The following GPR55 variants were observed in gnomAD, a reference collection of about 807,000 sequenced individuals.
The protein encoded by GPR55 is G protein-coupled receptor 55, also known as G-protein coupled receptor 55.
GPR55 carries 6 observed loss-of-function variants against 7.9 expected under a neutral mutation model. That is an observed-to-expected ratio of 0.76 (90% confidence interval 0.41 to 1.49). GPR55 has a LOEUF of 1.49. Ranked by LOEUF, GPR55 falls within the 40% of genes most tolerant of loss-of-function variation. The pLI is 0.01. For synonymous variants in GPR55, 183 were observed against 166.8 expected (o/e 1.10, Z -0.75); for missense variants, 376 against 406.0 (o/e 0.93, Z 0.63).
chr2:230,915,460 A>T (rs963437067), intron 1 of GPR55, among the ~76,000 whole-genome samples: 7 of 152,348 alleles, frequency 4.6e-5, no homozygotes, highest in Non-Finnish European at 1.0e-4. Flanking sequence ...AGAAGGAAGT[A>T]GCATTGAGTG....
chr2:230,919,886 A>G, intron 1 of GPR55, among the ~76,000 whole-genome samples: 1 of 151,976 alleles, frequency 6.6e-6, no homozygotes, highest in Non-Finnish European at 1.5e-5. Context: ...TGTTATGTTT[A>G]TGCTGACTAT....
In GPR55 at chr2:230,910,787, G is replaced by A. The variant is rs202123050; in HGVS notation, c.176C>T (p.Thr59Ile). The A allele has an allele frequency of 6.2e-7, 1 of 1,613,942 alleles. No homozygotes were observed. Among genetic ancestry groups the A allele is most frequent in the Admixed American group, 1.7e-5 (1 of 60,034 alleles). The change falls in exon 2 of 2, where the codon ACC becomes ATC. Residue 59 changes from threonine (T) to isoleucine (I), a missense_variant. Coordinates refer to ENST00000650999, the MANE Select transcript of GPR55 (RefSeq NM_005683.4). The surrounding 1 kb of genome is among the most constrained non-coding windows in gnomAD (Gnocchi z 5.4). ...TGCCAGGTTGATCATGTAGATGGAGGTGGCAGCATAATCGGGCCACCTGTT... is the reference window on the plus strand; with the variant it reads ...TGCCAGGTTGATCATGTAGATGGAGATGGCAGCATAATCGGGCCACCTGTT... The part of the protein sequence containing the change: ...LKNRWPDYAA[T>I]SIYMINLAVF...
At chr2:230,931,958 T>C (rs764424632) in intron 1 of GPR55, among the ~76,000 whole-genome samples, 5 of 151,866 alleles carry the variant, frequency 3.3e-5, no homozygotes, top group Middle Eastern at 3.2e-3. Flanking sequence ...TCCCTGGTGG[T>C]AGGGCAGCCC....
At chr2:230,959,188 G>A (rs981738333) in intron 1 of GPR55, among the ~76,000 whole-genome samples, 1 of 152,240 alleles carries the variant, frequency 6.6e-6, no homozygotes, top group Admixed American at 6.5e-5. Context: ...GCTCACGCCT[G>A]TAATCCCAGC....
chr2:230,925,799 C>T (rs1690932463), upstream of GPR55, among the ~76,000 whole-genome samples: 1 of 152,222 alleles, frequency 6.6e-6, no homozygotes, highest in African/African-American at 2.4e-5. Flanking sequence ...TGGGGCCCCA[C>T]AGGTTCCCCA....
intron 1 of GPR55, among the ~76,000 whole-genome samples, chr2:230,946,566 G>A (rs1450586222): frequency 1.3e-5 from 2 of 152,218 alleles, no homozygotes; most frequent in African/African-American, 4.8e-5. Flanking sequence ...CAGAAGAGAT[G>A]CACCCTGTAG....
intron 1 of GPR55, among the ~76,000 whole-genome samples, chr2:230,931,065 C>G (rs73992979): frequency 2.0e-3 from 304 of 152,314 alleles, no homozygotes; most frequent in African/African-American, 6.8e-3. Context: ...CACTCACACC[C>G]TATTCTCCTG....
intron 1 of GPR55, among the ~76,000 whole-genome samples, chr2:230,937,409 A>C (rs765504574): frequency 1.5e-4 from 9 of 60,098 alleles, no homozygotes; most frequent in Non-Finnish European, 2.5e-4. Context: ...TGTCACTCTC[A>C]GAGATAAATT....
In GPR55 at chr2:230,909,980, C is replaced by G. The variant is rs879073818; in HGVS notation, c.*23G>C. Reference sequence around the variant, plus strand: ...CAGAATTCAGGGCCAGGGCTTTCTTCCCCTGAACAGGATGTCCTTCCGTTA... The same window carrying G: ...CAGAATTCAGGGCCAGGGCTTTCTTGCCCTGAACAGGATGTCCTTCCGTTA... On this transcript the variant is annotated 3_prime_UTR_variant, in exon 2 of 2. Coordinates refer to ENST00000650999, the MANE Select transcript of GPR55 (RefSeq NM_005683.4). 2 of 1,598,872 alleles carry G rather than the reference C, an allele frequency of 1.3e-6. No individual in the cohort carries two copies. Among genetic ancestry groups the G allele is most frequent in the African/African-American group, 2.7e-5 (2 of 74,440 alleles).
rs947078514 is a variant in GPR55 at position 230,924,954 on chromosome 2, A to G, written c.-135+214T>C. On this transcript the variant is annotated intron_variant, in intron 1 of 1. Coordinates refer to ENST00000650999, the MANE Select transcript of GPR55 (RefSeq NM_005683.4). This position sits in a 1 kb window ranked among gnomAD's most constrained non-coding sequence, Gnocchi z 4.5. ...TGTCACTCGTAATCGGGGACAAACC[A>G]GGTCTGCCTGCCGCTGCTGCTGTCA... 1.3e-5 allele frequency among the ~76,000 whole-genome samples: 2 copies of G among 152,088 alleles called. No individual in the cohort carries two copies. The highest frequency in any genetic ancestry group is 4.8e-5 in the African/African-American group (2 of 41,416).
chr2:230,940,477 C>T (rs1021135723), intron 1 of GPR55, among the ~76,000 whole-genome samples: 5 of 152,206 alleles, frequency 3.3e-5, no homozygotes, highest in African/African-American at 1.2e-4. Flanking sequence ...CAGGAAGGCG[C>T]TTATCAAGAC....
chr2:230,914,172 G>A (rs1191160672), intron 1 of GPR55, among the ~76,000 whole-genome samples: 1 of 152,210 alleles, frequency 6.6e-6, no homozygotes, highest in Non-Finnish European at 1.5e-5. Context: ...CTGAATTGGG[G>A]GAACAAACGA....
In GPR55 at chr2:230,923,956, T is replaced by G. The variant is rs543595289; in HGVS notation, c.-135+1212A>C. Among the ~76,000 whole-genome samples the G allele has an allele frequency of 6.6e-6, 1 of 152,114 alleles. No individual in the cohort carries two copies. Among genetic ancestry groups the G allele is most frequent in the East Asian group, 1.9e-4 (1 of 5,154 alleles). ...TTTCTCCTTGGACTCTCTCCTCCAC[T>G]GCTAAAAATCCCACCTCTTCCTTGA... is the stretch of plus-strand genomic sequence containing the variant. On this transcript the variant is annotated intron_variant, in intron 1 of 1. Coordinates refer to ENST00000650999, the MANE Select transcript of GPR55 (RefSeq NM_005683.4). This position sits in a 1 kb window ranked among gnomAD's most constrained non-coding sequence, Gnocchi z 4.1.
chr2:230,958,206 G>C (rs1468468824), intron 1 of GPR55, among the ~76,000 whole-genome samples: 1 of 152,062 alleles, frequency 6.6e-6, no homozygotes, highest in Non-Finnish European at 1.5e-5. Context: ...CACATCAGCA[G>C]GCATATAATG....
Position 230,908,320 on chromosome 2 carries a change from G to A in GPR55, c.*1683C>T, listed in dbSNP as rs1316705689. 6.6e-6 allele frequency: 1 copy of A among 152,552 alleles called. No individual in the cohort carries two copies. Among genetic ancestry groups the A allele is most frequent in the Non-Finnish European group, 1.5e-5 (1 of 68,322 alleles). 9.4% of individuals were successfully genotyped at this position (152,552 alleles called of 1,614,324 possible). On this transcript the variant is annotated 3_prime_UTR_variant, in exon 2 of 2. Transcript: ENST00000650999. The stretch of plus-strand genomic sequence containing the variant: ...CCTTCCCTCCATCCACCTAGGAGGA[G>A]GTGTACAGGGTGCCACTTGAACACA...
chr2:230,915,288 C>T (rs1690684018), intron 1 of GPR55, among the ~76,000 whole-genome samples: 2 of 152,328 alleles, frequency 1.3e-5, no homozygotes, highest in South Asian at 4.1e-4. Flanking sequence ...CCAGTGCTGC[C>T]ATTGATGTTG....
chr2:230,933,751 C>T (rs1234521581), intron 1 of GPR55, among the ~76,000 whole-genome samples: 1 of 152,186 alleles, frequency 6.6e-6, no homozygotes, highest in Non-Finnish European at 1.5e-5. Context: ...GTCAGCGTCT[C>T]CAGGAGGCAG....
At chr2:230,920,092 T>TTG (rs61504370) in intron 1 of GPR55, among the ~76,000 whole-genome samples, 56,087 of 149,336 alleles carry the variant, frequency 0.38, 10,591 homozygotes, top group East Asian at 0.48. Flanking sequence ...TCTCTGTCTT[T>TTG]TGTGTGTGTG....
At chr2:230,951,281 C>T (rs139315431) in intron 1 of GPR55, among the ~76,000 whole-genome samples, 1,584 of 152,236 alleles carry the variant, frequency 0.01, 18 homozygotes, top group Middle Eastern at 0.031. Flanking sequence ...CTGCTGTCCG[C>T]GGCTTAGTGG....
Sources: gnomAD v4.1 joint callset for allele counts (sites outside exome capture counted in the v4.1 genomes callset) on GRCh38, gnomAD v4.1.1 for gene constraint, Gnocchi (gnomAD v3.1) non-coding constraint, MANE v1.5 for transcripts, NCBI Gene and HGNC (gene_info 2026-07-23, HGNC 2026-07-21) for gene names.